Variants in LARS1 observed in about 807,000 individuals in gnomAD.
The protein encoded by LARS1 is leucine--tRNA ligase, cytoplasmic.
A neutral mutation model predicts 162.8 loss-of-function variants in LARS1; 100 were observed. The observed-to-expected ratio is 0.61, with a 90% CI of 0.52 to 0.73. The LOEUF is 0.73. Among genes scored for constraint, LARS1 ranks in the 30% least tolerant of loss-of-function variants. The pLI is 0.00. For synonymous variants in LARS1, 457 were observed against 462.8 expected, an observed-to-expected ratio of 0.99 and a Z score of 0.16; for missense variants, 1,258 against 1,408.9, an observed-to-expected ratio of 0.89 and a Z score of 1.71.
rs143906546 is a variant in LARS1, at chr5:146,166,604, C to T, written c.432+1524G>A. On this transcript the variant is annotated intron_variant, in intron 5 of 31. Coordinates refer to ENST00000394434, the MANE Select transcript of LARS1 (RefSeq NM_020117.11). ...AGAATAAAGTGAATATCCATGAATC[C>T]ATATGACATAGAAAGGACAGATTAA... 7.3e-4 allele frequency among the ~76,000 whole-genome samples: 111 copies of T among 152,204 alleles called. 1 individual carries two copies. The East Asian group carries it at 0.02, about 28-fold the overall frequency.
intron 21 of LARS1, chr5:146,137,782 AT>A: frequency 6.2e-6 from 2 of 322,754 alleles, no homozygotes; most frequent in Non-Finnish European, 6.2e-6. Context: ...GTCCAAGGCC[AT>A]TTTTGCTGGC....
Position 146,122,524 on chromosome 5 carries a change from G to C in LARS1, c.3160C>G (p.Pro1054Ala). ...AEDKIREDCC[P>A]GKPLNVFRIE... ...CTAAAAACATTAAGTGGTTTCCCAG[G>C]ACAGCAGTCTTCCCTGATTTTATCT... The change falls in exon 30 of 32, where the codon CCT becomes GCT. Residue 1054 changes from proline to alanine, a missense_variant. Physicochemically the swap from Pro to Ala is conservative, Grantham distance 27. Transcript: ENST00000394434. 1 of 1,607,636 alleles carries C rather than the reference G, an allele frequency of 6.2e-7. No homozygotes were observed. The highest frequency in any genetic ancestry group is 8.5e-7 in the Non-Finnish European group (1 of 1,175,420).
At chr5:146,174,513 T>C (rs1464912038) in intron 2 of LARS1, among the ~76,000 whole-genome samples, 1 of 62,598 alleles carries the variant, frequency 1.6e-5, no homozygotes, top group African/African-American at 5.0e-5. Context: ...TATATATATA[T>C]ATATATCCAT....
chr5:146,137,010 T>C (rs954867321), intron 21 of LARS1, among the ~76,000 whole-genome samples: 3 of 151,902 alleles, frequency 2.0e-5, no homozygotes, highest in African/African-American at 7.3e-5. Context: ...CAAGCGATTC[T>C]CCTGCCTCAG....
Position 146,153,226 on chromosome 5 carries a change from GCCTACAGA to G in LARS1, c.1231-7_1231del. On this transcript the variant is annotated splice_acceptor_variant and splice_polypyrimidine_tract_variant and coding_sequence_variant and intron_variant, in exon 13 of 32. Transcript: ENST00000394434. LOFTEE classifies it high-confidence loss of function. ...TCTAATTCCATATTTTGCTCGTAAGGCCTACAGAAAAATTTGCAAGTTAACACTAATGA... is the reference window on the plus strand; with the variant it reads ...TCTAATTCCATATTTTGCTCGTAAGGAAAATTTGCAAGTTAACACTAATGA... The G allele has an allele frequency of 6.2e-7, 1 of 1,611,642 alleles. No homozygotes were observed. Among genetic ancestry groups the G allele is most frequent in the South Asian group, 1.1e-5 (1 of 90,984 alleles).
chr5:146,117,927 A>G (rs1751631634), intron 31 of LARS1, among the ~76,000 whole-genome samples: 1 of 152,244 alleles, frequency 6.6e-6, no homozygotes, highest in African/African-American at 2.4e-5. Flanking sequence ...AAATTTGTAT[A>G]GCCACTATAA....
At chr5:146,174,523 T>TATATATATATCCATATATGTATATATCC (rs1754444320) in intron 2 of LARS1, among the ~76,000 whole-genome samples, 2 of 14,758 alleles carry the variant, frequency 1.4e-4, no homozygotes, top group African/African-American at 2.1e-4. Flanking sequence ...TATATATCCA[T>TATATATATATCCATATATGTATATATCC]ATATATATAT....
Position 146,168,208 on chromosome 5 carries a change from G to T in LARS1, c.352C>A (p.Pro118Thr). ...TCTTCCTCTTCCTCTTCTTCATCTG[G>T]AAAATCAGGGGGGCAACCATACAGC... ...IELYGCPPDF[P>T]DEEEEEEETS... The change falls in exon 5 of 32, where the codon CCA becomes ACA. Residue 118 changes from proline (P) to threonine (T), a missense_variant. Pro to Thr is a conservative substitution (Grantham distance 38). Coordinates refer to ENST00000394434, the MANE Select transcript of LARS1 (RefSeq NM_020117.11). 6.2e-7 allele frequency: 1 copy of T among 1,613,060 alleles called. No homozygotes were observed. The highest frequency in any genetic ancestry group is 8.5e-7 in the Non-Finnish European group (1 of 1,179,450).
intron 28 of LARS1, among the ~76,000 whole-genome samples, chr5:146,125,355 C>T (rs1751999397): frequency 6.6e-6 from 1 of 151,970 alleles, no homozygotes; most frequent in Admixed American, 6.6e-5. Context: ...GAATACTAAT[C>T]TATTATAATA....
At chr5:146,155,009 G>T (rs540840730) in intron 10 of LARS1, among the ~76,000 whole-genome samples, 2 of 151,554 alleles carry the variant, frequency 1.3e-5, no homozygotes, top group South Asian at 4.2e-4. Context: ...GCACCACCAC[G>T]CCTGGCTAAT....
At chr5:146,140,356 G>T (rs932927595) in intron 20 of LARS1, 95 bp from the exon 21 acceptor site, 2 of 919,306 alleles carry the variant, frequency 2.2e-6, no homozygotes, top group Non-Finnish European at 3.5e-6. Flanking sequence ...ACTCATAAAG[G>T]CTTGCTAAGA....
At position 146,164,296 on chromosome 5, in the gene LARS1, C is replaced by T; in HGVS notation, c.594+14G>A. 1 of 1,603,256 alleles carries T rather than the reference C, an allele frequency of 6.2e-7. No individual in the cohort carries two copies. Among genetic ancestry groups the T allele is most frequent in the South Asian group, 1.1e-5 (1 of 90,870 alleles). ...CTTGTAAATGCTTTCCTCATATTTC[C>T]TTTATAGACATACCTTCAAACCCAT... On this transcript the variant is annotated intron_variant, in intron 6 of 31. Coordinates refer to ENST00000394434, the MANE Select transcript of LARS1 (RefSeq NM_020117.11).
At chr5:146,172,933 T>C (rs1427290010) in intron 2 of LARS1, among the ~76,000 whole-genome samples, 159 bp from the exon 3 acceptor site, 1 of 152,202 alleles carries the variant, frequency 6.6e-6, no homozygotes, top group Non-Finnish European at 1.5e-5. Context: ...TTTAAAACTC[T>C]CTAAAATTGA....
chr5:146,149,754 G>T, intron 14 of LARS1, 55 bp from the exon 15 acceptor site: 1 of 1,294,708 alleles, frequency 7.7e-7, no homozygotes, highest in Non-Finnish European at 1.1e-6. Flanking sequence ...AATCTGCCTT[G>T]AGTTTCTTTC....
chr5:146,161,796 C>T (rs1215549455), intron 6 of LARS1, among the ~76,000 whole-genome samples: 1 of 151,906 alleles, frequency 6.6e-6, no homozygotes, highest in Non-Finnish European at 1.5e-5. Flanking sequence ...TCAAAACCTG[C>T]TACTGCTTTA....
At chr5:146,152,135 TTAAG>T in intron 13 of LARS1, 133 bp from the exon 14 acceptor site, 1 of 932,276 alleles carries the variant, frequency 1.1e-6, no homozygotes, top group South Asian at 1.5e-5. Context: ...CTGCCACACA[TTAAG>T]TAATCACAGA....
At chr5:146,126,922 T>C (rs189549426) in intron 27 of LARS1, among the ~76,000 whole-genome samples, 41 of 152,184 alleles carry the variant, frequency 2.7e-4, no homozygotes, top group Non-Finnish European at 8.8e-5. Flanking sequence ...ATGTCTGCTT[T>C]TGGACACTTG....
At chr5:146,181,853 T>C (rs1354890731) in intron 1 of LARS1, among the ~76,000 whole-genome samples, 3 of 57,940 alleles carry the variant, frequency 5.2e-5, no homozygotes, top group African/African-American at 1.3e-4. Flanking sequence ...TTTTTCTTTT[T>C]TTTTTTTTTT....
chr5:146,119,715 G>C (rs960279348), intron 31 of LARS1, among the ~76,000 whole-genome samples: 1 of 152,046 alleles, frequency 6.6e-6, no homozygotes, highest in African/African-American at 2.4e-5. Flanking sequence ...ACTTATTCTT[G>C]ATAATAAGTT....
Sources: gnomAD v4.1 joint callset for allele counts (sites outside exome capture counted in the v4.1 genomes callset) on GRCh38, gnomAD v4.1.1 for gene constraint, MANE v1.5 for transcripts, NCBI Gene and HGNC (gene_info 2026-07-23, HGNC 2026-07-21) for gene names.